The following IPCEF1 variants were observed in gnomAD, a reference collection of about 807,000 sequenced individuals.
The protein encoded by IPCEF1 is interaction protein for cytohesin exchange factors 1.
A neutral mutation model predicts 50.9 loss-of-function variants in IPCEF1; 31 were observed. That is an observed-to-expected ratio of 0.61 (90% CI 0.46 to 0.82). IPCEF1 has a LOEUF of 0.82. Among genes scored for constraint, IPCEF1 ranks in the 40% least tolerant of loss-of-function variants. IPCEF1 has a pLI of 0.00. For synonymous variants in IPCEF1, 181 were observed against 192.0 expected, an observed-to-expected ratio of 0.94 and a Z score of 0.47; for missense variants, 458 against 514.0, an observed-to-expected ratio of 0.89 and a Z score of 1.05.
At position 154,174,031 on chromosome 6, in the gene IPCEF1, G is replaced by C. The variant is rs540441114; in HGVS notation, c.911-5918C>G. Among the ~76,000 whole-genome samples, 905 of 152,296 alleles carry C rather than the reference G, an allele frequency of 5.9e-3. 12 individuals carry two copies. The highest frequency in any genetic ancestry group is 0.021 in the African/African-American group (865 of 41,572). ...GGGGCCAATATTCAACATTCTTAAAGGAAAGAATTTCCAACCCAGAATTTC... is the reference window on the plus strand; with the variant it reads ...GGGGCCAATATTCAACATTCTTAAACGAAAGAATTTCCAACCCAGAATTTC... On this transcript the variant is annotated intron_variant, in intron 10 of 11. Transcript: ENST00000367220.
At chr6:154,204,265 T>C (rs1777306381) in intron 9 of IPCEF1, among the ~76,000 whole-genome samples, 1 of 152,144 alleles carries the variant, frequency 6.6e-6, no homozygotes, top group South Asian at 2.1e-4. Flanking sequence ...AAGTTTGACA[T>C]GGTGAAAAAA....
intron 7 of IPCEF1, among the ~76,000 whole-genome samples, chr6:154,215,121 G>A (rs888918161): frequency 2.6e-5 from 4 of 152,010 alleles, no homozygotes; most frequent in Non-Finnish European, 4.4e-5. Context: ...TTATCAATTC[G>A]TCTATGCTTT....
chr6:154,303,815 C>A (rs192965676), intron 1 of IPCEF1, among the ~76,000 whole-genome samples: 7 of 152,160 alleles, frequency 4.6e-5, no homozygotes, highest in Admixed American at 4.6e-4. Context: ...TAATTACATG[C>A]GAGGCTGAGT....
At chr6:154,292,851 A>AT (rs1172188080) in intron 1 of IPCEF1, among the ~76,000 whole-genome samples, 1 of 152,200 alleles carries the variant, frequency 6.6e-6, no homozygotes, top group African/African-American at 2.4e-5. Flanking sequence ...GAGTAAGCTA[A>AT]CACTCAAAGT....
Position 154,171,905 on chromosome 6 carries a change from A to G in IPCEF1, c.911-3792T>C, listed in dbSNP as rs912077625. 2.6e-5 allele frequency among the ~76,000 whole-genome samples: 4 copies of G among 152,362 alleles called. No homozygotes were observed. The South Asian group carries it at 8.3e-4, about 32-fold the overall frequency. ...GGTAGAATTCTACTTAGATTAAGGC[A>G]TAAACACATAGCTTTCAATACCACA... On this transcript the variant is annotated intron_variant, in intron 10 of 11. Coordinates refer to ENST00000367220, the MANE Select transcript of IPCEF1 (RefSeq NM_001130700.2).
intron 1 of IPCEF1, among the ~76,000 whole-genome samples, chr6:154,344,744 T>G (rs1428315372): frequency 6.6e-6 from 1 of 152,174 alleles, no homozygotes; most frequent in African/African-American, 2.4e-5. Context: ...ACTTTGCCCT[T>G]TTTTTCTCAA....
chr6:154,263,387 CT>C (rs1210261641), intron 3 of IPCEF1, among the ~76,000 whole-genome samples: 1 of 142,954 alleles, frequency 7.0e-6, no homozygotes, highest in African/African-American at 2.6e-5. Context: ...GCAGAGGACC[CT>C]GCGGCCTTCC....
chr6:154,283,587 G>A (rs1482524651), intron 2 of IPCEF1, among the ~76,000 whole-genome samples: 5 of 151,856 alleles, frequency 3.3e-5, no homozygotes, highest in Non-Finnish European at 7.4e-5. Context: ...GACAGAGTGA[G>A]ACTCCATCTC....
chr6:154,353,530 G>A (rs895065747), intron 1 of IPCEF1, among the ~76,000 whole-genome samples: 11 of 152,204 alleles, frequency 7.2e-5, no homozygotes, highest in Admixed American at 1.3e-4. Flanking sequence ...CAGGTGATCC[G>A]CCCGCCTTGG....
intron 1 of IPCEF1, among the ~76,000 whole-genome samples, chr6:154,347,111 G>T (rs1346983422): frequency 6.6e-6 from 1 of 152,172 alleles, no homozygotes; most frequent in African/African-American, 2.4e-5. Flanking sequence ...ACCCAAACAG[G>T]CTTCCTCTGG....
chr6:154,323,867 C>G (rs548280341), intron 1 of IPCEF1, among the ~76,000 whole-genome samples: 2 of 152,266 alleles, frequency 1.3e-5, no homozygotes, highest in South Asian at 2.1e-4. Flanking sequence ...GCAAGAGAAT[C>G]GTTTGAATCC....
chr6:154,204,958 A>T (rs2128597218), intron 9 of IPCEF1, among the ~76,000 whole-genome samples: 1 of 152,242 alleles, frequency 6.6e-6, no homozygotes, highest in East Asian at 1.9e-4. Flanking sequence ...TTTCTGTCCC[A>T]TCACCACATC....
intron 9 of IPCEF1, among the ~76,000 whole-genome samples, 182 bp downstream of exon 9, chr6:154,212,588 C>T (rs1479223640): frequency 6.6e-6 from 1 of 152,190 alleles, no homozygotes; most frequent in African/African-American, 2.4e-5. Flanking sequence ...TTTATCATAC[C>T]ACTGGGTTGC....
chr6:154,224,826 C>G (rs140620453), intron 5 of IPCEF1, among the ~76,000 whole-genome samples: 1,641 of 152,250 alleles, frequency 0.011, 38 homozygotes, highest in Non-Finnish European at 0.012. Flanking sequence ...TGTACTCATT[C>G]ATATGTATAT....
chr6:154,333,623 C>T (rs190973259), intron 1 of IPCEF1, among the ~76,000 whole-genome samples: 238 of 143,712 alleles, frequency 1.7e-3, no homozygotes, highest in African/African-American at 5.6e-3. Flanking sequence ...TACATATATA[C>T]GTACATATGT....
chr6:154,177,924 T>C (rs1800483187), intron 10 of IPCEF1, among the ~76,000 whole-genome samples: 1 of 152,116 alleles, frequency 6.6e-6, no homozygotes, highest in Non-Finnish European at 1.5e-5. Flanking sequence ...ATAAAGACAA[T>C]GTGTCACATA....
intron 11 of IPCEF1, 33 bp downstream of exon 11, chr6:154,167,887 A>G (rs754227450): frequency 2.6e-6 from 4 of 1,511,220 alleles, no homozygotes; most frequent in Middle Eastern, 1.7e-4. Context: ...CCCCACATCC[A>G]TAGAGTTCAT....
chr6:154,231,597 A>G (rs1175900006), intron 5 of IPCEF1, among the ~76,000 whole-genome samples: 1 of 152,250 alleles, frequency 6.6e-6, no homozygotes. Context: ...AGTGAGAGAA[A>G]AAGTAAGGTG....
intron 2 of IPCEF1, among the ~76,000 whole-genome samples, chr6:154,288,691 A>G (rs1475490629): frequency 8.5e-6 from 1 of 117,666 alleles, no homozygotes; most frequent in African/African-American, 4.1e-5. Context: ...AAAAAAAAAA[A>G]AAAAAAAAAA....
Sources: allele counts gnomAD v4.1 joint callset (sites outside exome capture counted in the v4.1 genomes callset), GRCh38; gene constraint gnomAD v4.1.1; transcripts MANE v1.5; gene names NCBI Gene and HGNC (gene_info 2026-07-23, HGNC 2026-07-21).